Variants in MAJIN observed in about 807,000 individuals in gnomAD.
The protein encoded by MAJIN is membrane-anchored junction protein.
A neutral mutation model predicts 30.2 loss-of-function variants in MAJIN; 27 were observed. The ratio of observed to expected loss-of-function variants is 0.89; its 90% CI spans 0.66 to 1.23. MAJIN has a LOEUF of 1.23. Ranked by LOEUF, MAJIN falls within the 50% of genes most tolerant of loss-of-function variation. The probability of loss-of-function intolerance (pLI) is 0.00; values close to 1 mark genes in which losing one functional copy is unlikely to be tolerated. For missense variants in MAJIN, 253 were observed against 260.3 expected, an observed-to-expected ratio of 0.97 and a Z score of 0.19; for synonymous variants, 78 against 91.6, an observed-to-expected ratio of 0.85 and a Z score of 0.85.
At chr11:64,967,018 G>A (rs1226454681) in intron 1 of MAJIN, among the ~76,000 whole-genome samples, 1 of 151,676 alleles carries the variant, frequency 6.6e-6, no homozygotes, top group Non-Finnish European at 1.5e-5. Flanking sequence ...GCTCATGCCT[G>A]TAATCCCACT....
Position 64,948,602 on chromosome 11 carries a change from CATATATATATATATATATATATAT to C in MAJIN, c.350-807_350-784del, listed in dbSNP as rs1554970962. ...GCACCACCACCATGTCGGGCTACAT[CATATATATATATATATATATATAT>C]ATATATATATATATTTTTTTTTTTT... On this transcript the variant is annotated intron_variant, in intron 6 of 10. Transcript: ENST00000301896. Among the ~76,000 whole-genome samples, 6 of 19,418 alleles carry C rather than the reference CATATATATATATATATATATATAT, an allele frequency of 3.1e-4. No individual in the cohort carries two copies. In the South Asian group the frequency reaches 0.016, roughly 53 times the overall value. The allele number at this position is 19,418 out of a possible 152,430, so 12.7% of individuals were successfully genotyped here. A position where few individuals can be genotyped will look rare whatever the true frequency, so the allele number is the denominator to read the frequency against.
intron 8 of MAJIN, among the ~76,000 whole-genome samples, chr11:64,943,447 GCA>G (rs552282294): frequency 7.9e-4 from 121 of 152,318 alleles, no homozygotes; most frequent in Non-Finnish European, 1.4e-3. Flanking sequence ...ACACGCACAT[GCA>G]CAGTGACTGT....
At chr11:64,947,504 A>C (rs749786346) in intron 7 of MAJIN, 39 bp from the exon 8 acceptor site, 4 of 1,583,310 alleles carry the variant, frequency 2.5e-6, no homozygotes, top group Non-Finnish European at 3.5e-6. Context: ...CCTCCTTTCC[A>C]GAGTTGCTCA....
chr11:64,949,136 A>C (rs964829253), intron 6 of MAJIN, among the ~76,000 whole-genome samples: 20 of 148,694 alleles, frequency 1.3e-4, no homozygotes, highest in African/African-American at 5.0e-4. Context: ...CCAACGGTGC[A>C]ATATAGTCAG....
rs1354944349 is a variant in MAJIN, at chr11:64,959,514, T to G, written c.-17-92A>C. 4.7e-5 allele frequency: 44 copies of G among 939,632 alleles called. No homozygotes were observed. The South Asian group carries it at 5.6e-4, about 12-fold the overall frequency. 58.2% of individuals were successfully genotyped at this position (939,632 alleles called of 1,614,324 possible). A position where few individuals can be genotyped will look rare whatever the true frequency, so the allele number is the denominator to read the frequency against. On this transcript the variant is annotated intron_variant, in intron 2 of 10. Coordinates refer to ENST00000301896, the MANE Select transcript of MAJIN (RefSeq NM_001037225.3). ...CTGCCCAATCTGTAACATCTCTTCA[T>G]GAGTAAAATGTCCAACACTAAGCAC...
At chr11:64,941,528 G>C (rs1167554800) in intron 8 of MAJIN, among the ~76,000 whole-genome samples, 3 of 152,124 alleles carry the variant, frequency 2.0e-5, no homozygotes, top group East Asian at 3.9e-4. Flanking sequence ...GTGGTGGCAG[G>C]CACCTGTAAT....
At chr11:64,940,216 A>C (rs545957065) in intron 9 of MAJIN, among the ~76,000 whole-genome samples, 1 of 152,250 alleles carries the variant, frequency 6.6e-6, no homozygotes, top group Non-Finnish European at 1.5e-5. Context: ...AATGCCTCAA[A>C]GGGAAGAGAT....
intron 2 of MAJIN, 50 bp from the exon 3 acceptor site, chr11:64,959,472 T>C: frequency 1.3e-6 from 2 of 1,489,284 alleles, no homozygotes; most frequent in Non-Finnish European, 1.9e-6. Context: ...TTGTTCCTTA[T>C]TTACAGGAAA....
intron 4 of MAJIN, among the ~76,000 whole-genome samples, chr11:64,951,583 G>A (rs1205265427): frequency 6.6e-6 from 1 of 152,096 alleles, no homozygotes; most frequent in Non-Finnish European, 1.5e-5. Flanking sequence ...TGGGCAACAT[G>A]GCAATACTCC....
At position 64,943,224 on chromosome 11, in the gene MAJIN, A is replaced by G. The variant is rs1945404701; in HGVS notation, c.474-2578T>C. Among the ~76,000 whole-genome samples the G allele has an allele frequency of 1.3e-5, 2 of 152,194 alleles. 1 individual carries two copies. Among genetic ancestry groups the G allele is most frequent in the Non-Finnish European group, 2.9e-5 (2 of 68,036 alleles). ...AAAACAACAACAACAACAAAATGCG[A>G]CGTGCAGTTACTCTGTTTCATTTCT... On this transcript the variant is annotated intron_variant, in intron 8 of 10. Coordinates refer to ENST00000301896, the MANE Select transcript of MAJIN (RefSeq NM_001037225.3).
chr11:64,949,873 A>G lies in MAJIN; in HGVS notation c.224-5T>C. ...CTCTCTCCCATTTGCTTTTATCTGG[A>G]AAATGGTGCTAAGGAGTAAGGAAAG... On this transcript the variant is annotated splice_region_variant and splice_polypyrimidine_tract_variant and intron_variant, in intron 5 of 10. Transcript: ENST00000301896. 1 of 1,602,098 alleles carries G rather than the reference A, an allele frequency of 6.2e-7. No individual in the cohort carries two copies. The highest frequency in any genetic ancestry group is 8.5e-7 in the Non-Finnish European group (1 of 1,179,706).
In MAJIN at chr11:64,938,450, A is replaced by C; in HGVS notation, c.*125T>G. ...GACTGAAGTGTCATAAGAAAAGGAT[A>C]GAGTTGGAGGAAGAATGGCTCGGGA... On this transcript the variant is annotated 3_prime_UTR_variant, in exon 11 of 11. Transcript: ENST00000301896. The C allele has an allele frequency of 3.6e-5, 52 of 1,440,370 alleles. No individual in the cohort carries two copies. Among genetic ancestry groups the C allele is most frequent in the Non-Finnish European group, 4.7e-5 (50 of 1,060,514 alleles). 89.2% of individuals were successfully genotyped at this position (1,440,370 alleles called of 1,614,324 possible).
chr11:64,939,267 A>C (rs1945336541), intron 10 of MAJIN, among the ~76,000 whole-genome samples: 1 of 151,942 alleles, frequency 6.6e-6, no homozygotes, highest in African/African-American at 2.4e-5. Context: ...ATGCCCGGCT[A>C]ATTTTGTATT....
Position 64,950,611 on chromosome 11 carries a change from G to A in MAJIN, c.148-181C>T, listed in dbSNP as rs997365274. Among the ~76,000 whole-genome samples the A allele has an allele frequency of 4.0e-5, 6 of 151,458 alleles. 1 individual carries two copies. In the South Asian group the frequency reaches 8.3e-4, roughly 21 times the overall value. On this transcript the variant is annotated intron_variant, in intron 4 of 10. Coordinates refer to ENST00000301896, the MANE Select transcript of MAJIN (RefSeq NM_001037225.3). The stretch of plus-strand genomic sequence containing the variant: ...CTTTCTTTCTTTTTTTGAGAGAGTC[G>A]TGCTTTGTGGCCCAGGCTGAAGGGC...
At chr11:64,943,544 G>T (rs1346899543) in intron 8 of MAJIN, among the ~76,000 whole-genome samples, 1 of 152,216 alleles carries the variant, frequency 6.6e-6, no homozygotes, top group Non-Finnish European at 1.5e-5. Context: ...TCCAGCTCAA[G>T]TGACTTACAC....
rs960462240 is a variant in MAJIN at position 64,938,508 on chromosome 11, C to A, written c.*67G>T. On this transcript the variant is annotated 3_prime_UTR_variant, in exon 11 of 11. Transcript: ENST00000301896. ...CTACAAGAGATGATCCTCTTTCCAG[C>A]GCTGCATTTGGAAGGCTCAAGAGTG... The A allele has an allele frequency of 1.3e-5, 20 of 1,533,698 alleles. No individual in the cohort carries two copies. Among genetic ancestry groups the A allele is most frequent in the Non-Finnish European group, 1.7e-5 (19 of 1,144,794 alleles).
chr11:64,950,221 T>C, intron 5 of MAJIN, 134 bp downstream of exon 5: 1 of 772,198 alleles, frequency 1.3e-6, no homozygotes, highest in Non-Finnish European at 2.0e-6. Flanking sequence ...TCCCAGCTAC[T>C]GGAGAGGCTG....
At chr11:64,959,505 ATC>A in intron 2 of MAJIN, 83 bp from the exon 3 acceptor site, 1 of 1,041,006 alleles carries the variant, frequency 9.6e-7, no homozygotes, top group South Asian at 1.4e-5. Context: ...AATCTGTAAC[ATC>A]TCTTCATGAG....
At chr11:64,950,883 G>A (rs1945541865) in intron 4 of MAJIN, among the ~76,000 whole-genome samples, 1 of 152,020 alleles carries the variant, frequency 6.6e-6, no homozygotes, top group African/African-American at 2.4e-5. Flanking sequence ...CACCCAGCCC[G>A]CTTCTCCATT....
Sources: allele counts gnomAD v4.1 joint callset (sites outside exome capture counted in the v4.1 genomes callset), GRCh38; gene constraint gnomAD v4.1.1; transcripts MANE v1.5; gene names NCBI Gene and HGNC (gene_info 2026-07-23, HGNC 2026-07-21).